The following GSTM5 variants were observed in gnomAD, a reference collection of about 807,000 sequenced individuals.
GSTM5 encodes the protein GST class-mu 5.
Under a neutral mutation model 29.0 loss-of-function variants are expected in GSTM5, and 24 were observed. The observed-to-expected ratio is 0.83, with a 90% CI of 0.60 to 1.16. The LOEUF is 1.16. Among genes scored for constraint, GSTM5 ranks in the 50% most tolerant of loss-of-function variants. GSTM5 has a pLI of 0.00. For missense variants in GSTM5, 290 were observed against 263.0 expected (o/e 1.10, Z -0.71); for synonymous variants, 91 against 93.6 (o/e 0.97, Z 0.16).
intron 1 of GSTM5, 102 bp from the exon 2 acceptor site, chr1:109,712,516 A>G: frequency 2.1e-6 from 3 of 1,420,890 alleles, no homozygotes; most frequent in African/African-American, 1.4e-5. Context: ...AGAGGAGGCG[A>G]CGGGTACGTG....
intron 7 of GSTM5, 105 bp from the exon 8 acceptor site, chr1:109,717,232 A>G (rs1188257678): frequency 1.3e-6 from 1 of 796,054 alleles, no homozygotes; most frequent in Non-Finnish European, 2.2e-6. Flanking sequence ...TTGAGCCCAC[A>G]TGGAAAGGCT....
At chr1:109,712,393 G>A in intron 1 of GSTM5, 45 bp downstream of exon 1, 2 of 1,601,622 alleles carry the variant, frequency 1.2e-6, no homozygotes, top group South Asian at 2.2e-5. Flanking sequence ...GCGGAGGCGG[G>A]GATGTGTGGA....
rs910367363 is a variant in GSTM5, at chr1:109,718,247, A to G, written c.*821A>G. 2.6e-5 allele frequency: 4 copies of G among 152,100 alleles called. No homozygotes were observed. Among genetic ancestry groups the G allele is most frequent in the African/African-American group, 9.7e-5 (4 of 41,396 alleles). The allele number at this position is 152,100 out of a possible 1,614,324, so 9.4% of individuals were successfully genotyped here. On this transcript the variant is annotated 3_prime_UTR_variant, in exon 8 of 8. Transcript: ENST00000256593. ...CCTTCGTCATGACACTTCTCAATAAAACGTATCCCACCGTATTGTAATCAT... is the reference window on the plus strand; with the variant it reads ...CCTTCGTCATGACACTTCTCAATAAGACGTATCCCACCGTATTGTAATCAT...
chr1:109,712,274 C>A lies in GSTM5; in HGVS notation c.-39C>A. On this transcript the variant is annotated 5_prime_UTR_variant, in exon 1 of 8. Coordinates refer to ENST00000256593, the MANE Select transcript of GSTM5 (RefSeq NM_000851.4). ...GCCTCTCAAAGTCTGAGCCCCGCTC[C>A]GCTGATGCCTGTCTGCAGAATCCGC... 6.2e-7 allele frequency: 1 copy of A among 1,612,880 alleles called. No individual in the cohort carries two copies. Among genetic ancestry groups the A allele is most frequent in the South Asian group, 1.1e-5 (1 of 91,064 alleles).
intron 2 of GSTM5, 86 bp downstream of exon 2, chr1:109,712,779 G>T (rs1250586041): frequency 6.2e-5 from 90 of 1,445,178 alleles, no homozygotes; most frequent in Non-Finnish European, 8.5e-5. Context: ...GGCTGCCTCT[G>T]CAGGCCTCCC....
In GSTM5 at chr1:109,715,691, A is replaced by T. The variant is rs535781897; in HGVS notation, c.567+451A>T. On this transcript the variant is annotated intron_variant, in intron 7 of 7. Transcript: ENST00000256593. ...TGCAGCTGGCAATAGTAGGACTGAC[A>T]CACAGTGGCATTGATGTTGAGTACT... 8.6e-4 allele frequency: 426 copies of T among 493,610 alleles called. 9 individuals are homozygous for T. The South Asian group carries it at 8.8e-3, about 10-fold the overall frequency. The allele number at this position is 493,610 out of a possible 1,614,324, so 30.6% of individuals were successfully genotyped here. A position where few individuals can be genotyped will look rare whatever the true frequency, so the allele number is the denominator to read the frequency against.
At position 109,717,335 on chromosome 1, in the gene GSTM5, A is replaced by G. The variant is rs1198662403; in HGVS notation, c.568-2A>G. 1.9e-6 allele frequency: 3 copies of G among 1,612,626 alleles called. No homozygotes were observed. The highest frequency in any genetic ancestry group is 2.5e-6 in the Non-Finnish European group (3 of 1,178,740). On this transcript the variant is annotated splice_acceptor_variant, in intron 7 of 7. Transcript: ENST00000256593. LOFTEE classifies it high-confidence loss of function. ...GCTCTGGCCCCTTCTTCCCGCCCTC[A>G]GGGTTTGAAGAAGATCTCTGCCTAC...
In GSTM5 at chr1:109,715,415, C is replaced by G. The variant is rs775737513; in HGVS notation, c.567+175C>G. Reference sequence around the variant, plus strand: ...ATCGTGTAGAATTTGAAATTTCCAACATTCCTACAGGGTGACAGAATTATC... The same window carrying G: ...ATCGTGTAGAATTTGAAATTTCCAAGATTCCTACAGGGTGACAGAATTATC... On this transcript the variant is annotated intron_variant, in intron 7 of 7. Transcript: ENST00000256593. 5 of 1,552,772 alleles carry G rather than the reference C, an allele frequency of 3.2e-6. No individual in the cohort carries two copies. In the South Asian group the frequency reaches 4.7e-5, roughly 15 times the overall value.
intron 2 of GSTM5, 73 bp from the exon 3 acceptor site, chr1:109,713,046 G>C (rs1648614696): frequency 6.4e-7 from 1 of 1,574,718 alleles, no homozygotes; most frequent in African/African-American, 1.3e-5. Context: ...CTTGCCACTG[G>C]CTCCTTGGGA....
At chr1:109,713,224 C>A (rs759744551) in intron 3 of GSTM5, 41 bp downstream of exon 3, 13 of 1,609,496 alleles carry the variant, frequency 8.1e-6, no homozygotes, top group Non-Finnish European at 1.1e-5. Context: ...GAAAGTGCGA[C>A]GTGTCTCTGA....
At position 109,713,551 on chromosome 1, in the gene GSTM5, G is replaced by T. The variant is rs778737926; in HGVS notation, c.245G>T (p.Arg82Leu). The T allele has an allele frequency of 1.9e-6, 3 of 1,614,206 alleles. No individual in the cohort carries two copies. Among genetic ancestry groups the T allele is most frequent in the Non-Finnish European group, 1.7e-6 (2 of 1,180,040 alleles). ...QSNAILRYIA[R>L]KHNLCGETEE... Reference sequence around the variant, plus strand: ...AATGCCATCCTGCGCTACATTGCCCGCAAGCACAACCTGTGTGAGTGTGGG... The same window carrying T: ...AATGCCATCCTGCGCTACATTGCCCTCAAGCACAACCTGTGTGAGTGTGGG... The change falls in exon 4 of 8, where the codon CGC (arginine) becomes CTC (leucine). Residue 82 changes from arginine to leucine, a missense_variant. Transcript: ENST00000256593.
chr1:109,717,246 G>A (rs1183951911), intron 7 of GSTM5, 91 bp from the exon 8 acceptor site: 5 of 927,950 alleles, frequency 5.4e-6, no homozygotes, highest in Non-Finnish European at 8.9e-6. Flanking sequence ...AAAGGCTGTG[G>A]CCAGGGCCCT....
chr1:109,717,201 G>T lies in GSTM5; in HGVS notation c.568-136G>T. ...ACTTAGAAGAGCTGGGGACCTAAGA[G>T]ACCGTGTGATGCTCCAGCACTTGAG... On this transcript the variant is annotated intron_variant, in intron 7 of 7. Coordinates refer to ENST00000256593, the MANE Select transcript of GSTM5 (RefSeq NM_000851.4). 3 of 657,094 alleles carry T rather than the reference G, an allele frequency of 4.6e-6. 1 individual carries two copies. In the South Asian group the frequency reaches 5.4e-5, roughly 12 times the overall value. 40.7% of individuals were successfully genotyped at this position (657,094 alleles called of 1,614,324 possible).
In GSTM5 at chr1:109,712,639, C is replaced by T. The variant is rs1209132409; in HGVS notation, c.58C>T (p.Leu20Phe). Residue 20 changes from leucine (L) to phenylalanine (F), a missense_variant, in exon 2 of 8, where the codon CTC becomes TTC. Physicochemically the swap from Leu to Phe is conservative, Grantham distance 22 (BLOSUM62 0). Coordinates refer to ENST00000256593, the MANE Select transcript of GSTM5 (RefSeq NM_000851.4). Reference sequence around the variant, plus strand: ...CCAGCTGGCCCACGCCATCCGCTTGCTCCTGGAATACACAGACTCAAGCTA... The same window carrying T: ...CCAGCTGGCCCACGCCATCCGCTTGTTCCTGGAATACACAGACTCAAGCTA... Reference protein sequence around the residue: ...IRGLAHAIRLLLEYTDSSYVE... With the variant: ...IRGLAHAIRLFLEYTDSSYVE... 9 of 1,614,196 alleles carry T rather than the reference C, an allele frequency of 5.6e-6. No homozygotes were observed. Among genetic ancestry groups the T allele is most frequent in the Non-Finnish European group, 7.6e-6 (9 of 1,180,032 alleles).
intron 3 of GSTM5, 89 bp downstream of exon 3, chr1:109,713,272 A>C: frequency 6.3e-7 from 1 of 1,585,698 alleles, no homozygotes; most frequent in Non-Finnish European, 8.7e-7. Context: ...TGTTAAGATC[A>C]GGAGTCTTCT....
At position 109,712,724 on chromosome 1, in the gene GSTM5, C is replaced by A. The variant is rs191316763; in HGVS notation, c.112+31C>A. 7.6e-4 allele frequency: 1,229 copies of A among 1,609,884 alleles called. 8 individuals are homozygous for A. In the African/African-American group the frequency reaches 0.015, roughly 20 times the overall value. On this transcript the variant is annotated intron_variant, in intron 2 of 7. Coordinates refer to ENST00000256593, the MANE Select transcript of GSTM5 (RefSeq NM_000851.4). ...GGCACCCTCGTGTCCGGGCCCTGCCCACTCACGCTGAGTTGGCACCAAGCA... is the reference window on the plus strand; with the variant it reads ...GGCACCCTCGTGTCCGGGCCCTGCCAACTCACGCTGAGTTGGCACCAAGCA...
At chr1:109,713,957 C>T (rs774284896) in intron 5 of GSTM5, 196 bp downstream of exon 5, 25 of 451,672 alleles carry the variant, frequency 5.5e-5, no homozygotes, top group Middle Eastern at 3.2e-4. Context: ...AACCAGACCA[C>T]GGACAACTGG....
chr1:109,717,402 G>T lies in GSTM5; in HGVS notation c.633G>T (p.Lys211Asn), dbSNP rs1247567039. Residue 211 changes from lysine (K) to asparagine (N), a missense_variant, in exon 8 of 8, where the codon AAG becomes AAT. Physicochemically the swap from Lys to Asn is moderately conservative, Grantham distance 94. Coordinates refer to ENST00000256593, the MANE Select transcript of GSTM5 (RefSeq NM_000851.4). ...TCCTCCGAGGTCTTTTGTTTGGAAA[G>T]TCAGCTACATGGAACAGCAAATAGG... ...SQFLRGLLFG[K>N]SATWNSK 5 of 1,613,976 alleles carry T rather than the reference G, an allele frequency of 3.1e-6. No individual in the cohort carries two copies. The highest frequency in any genetic ancestry group is 3.4e-6 in the Non-Finnish European group (4 of 1,179,838).
intron 7 of GSTM5, chr1:109,716,172 G>A (rs573851033): frequency 1.9e-4 from 48 of 250,920 alleles, no homozygotes; most frequent in African/African-American, 1.1e-3. Flanking sequence ...TGTTGAAGTT[G>A]TTTGAGAGCA....
Sources: gnomAD v4.1 joint callset for allele counts on GRCh38, gnomAD v4.1.1 for gene constraint, MANE v1.5 for transcripts, NCBI Gene and HGNC (gene_info 2026-07-23, HGNC 2026-07-21) for gene names.